TSPAN9: variants seen among roughly 807,000 people sequenced by gnomAD.
TSPAN9 encodes the protein tetraspanin 9, also known as tetraspanin-9.
A neutral mutation model predicts 31.0 loss-of-function variants in TSPAN9; 16 were observed. That is an observed-to-expected ratio of 0.52 (90% CI 0.35 to 0.78). The LOEUF is 0.78. TSPAN9 is among the 30% of genes least tolerant of loss of function. TSPAN9 has a pLI of 0.01. For synonymous variants in TSPAN9, 145 were observed against 121.6 expected (o/e 1.19, Z -1.27); for missense variants, 272 against 312.5 (o/e 0.87, Z 0.98).
chr12:3,104,731 G>A (rs1021181986), intron 2 of TSPAN9, among the ~76,000 whole-genome samples: 2 of 152,108 alleles, frequency 1.3e-5, no homozygotes, highest in East Asian at 1.9e-4. Context: ...CATTTAATCC[G>A]CCCAGCAACT....
chr12:3,193,210 T>C (rs991011411), intron 2 of TSPAN9, among the ~76,000 whole-genome samples: 2 of 151,992 alleles, frequency 1.3e-5, no homozygotes, highest in Non-Finnish European at 2.9e-5. Context: ...TGTGGTTGAG[T>C]TGGATAGTGG....
intron 2 of TSPAN9, among the ~76,000 whole-genome samples, chr12:3,139,389 T>C (rs1479781522): frequency 6.6e-6 from 1 of 152,148 alleles, no homozygotes; most frequent in Non-Finnish European, 1.5e-5. Flanking sequence ...ACCCTGCCAG[T>C]GGCCAGCCTT....
intron 2 of TSPAN9, among the ~76,000 whole-genome samples, chr12:3,130,477 C>T (rs7309470): frequency 5.9e-5 from 9 of 151,962 alleles, no homozygotes; most frequent in East Asian, 1.9e-4. Context: ...CCAGGTGTGA[C>T]GGACAGCAGA....
At chr12:3,097,342 C>T (rs1004191277) in intron 2 of TSPAN9, among the ~76,000 whole-genome samples, 4 of 152,170 alleles carry the variant, frequency 2.6e-5, no homozygotes, top group Admixed American at 6.5e-5. Flanking sequence ...GAGAGAGGCA[C>T]GTGTGTGGCT....
chr12:3,090,456 G>T (rs1193254542), intron 2 of TSPAN9, among the ~76,000 whole-genome samples: 1 of 152,230 alleles, frequency 6.6e-6, no homozygotes, highest in African/African-American at 2.4e-5. Context: ...TCATATATCC[G>T]GTGGTTGGTG....
intron 5 of TSPAN9, among the ~76,000 whole-genome samples, chr12:3,279,670 T>C (rs1862859581): frequency 1.3e-5 from 2 of 152,328 alleles, no homozygotes; most frequent in African/African-American, 4.8e-5. Context: ...GCAGGCCCTT[T>C]GGTACCATGC....
chr12:3,185,562 A>G (rs1246064511), intron 2 of TSPAN9, among the ~76,000 whole-genome samples: 1 of 152,104 alleles, frequency 6.6e-6, no homozygotes, highest in Non-Finnish European at 1.5e-5. Context: ...CCCCCTTCGG[A>G]GCGCCTCAGG....
At chr12:3,174,991 C>A (rs942452124) in intron 2 of TSPAN9, among the ~76,000 whole-genome samples, 3 of 152,082 alleles carry the variant, frequency 2.0e-5, no homozygotes, top group Non-Finnish European at 2.9e-5. Flanking sequence ...TTCTTTTCTT[C>A]CTTATTTTCT....
At chr12:3,132,075 G>T (rs887286847) in intron 2 of TSPAN9, among the ~76,000 whole-genome samples, 1 of 152,180 alleles carries the variant, frequency 6.6e-6, no homozygotes, top group Non-Finnish European at 1.5e-5. Flanking sequence ...CAAGGCTCAC[G>T]CATGCTGTAG....
intron 3 of TSPAN9, among the ~76,000 whole-genome samples, chr12:3,226,734 GTGTGTGTGTGTATATATA>G (rs2098387564): frequency 7.0e-5 from 1 of 14,306 alleles, no homozygotes; most frequent in Non-Finnish European, 1.2e-4. Flanking sequence ...GTGTGTGTGT[GTGTGTGTGTGTATATATA>G]TATATATATA....
chr12:3,124,302 A>C (rs1025456443), intron 2 of TSPAN9, among the ~76,000 whole-genome samples: 1 of 152,250 alleles, frequency 6.6e-6, no homozygotes, highest in Non-Finnish European at 1.5e-5. Flanking sequence ...ACATTCATTC[A>C]TAATTCTGTT....
intron 1 of TSPAN9, among the ~76,000 whole-genome samples, chr12:3,081,834 G>GTATATA (rs1477420908): frequency 2.2e-4 from 17 of 75,786 alleles, no homozygotes; most frequent in African/African-American, 1.0e-3. Context: ...GTGTGTGTGT[G>GTATATA]TCTGTGTGTG....
chr12:3,200,954 C>T, intron 2 of TSPAN9: 1 of 503,742 alleles, frequency 2.0e-6, no homozygotes. Flanking sequence ...TTCTTCGATC[C>T]ATCGGAGTCC....
At chr12:3,103,636 C>A (rs1278748416) in intron 2 of TSPAN9, among the ~76,000 whole-genome samples, 1 of 152,176 alleles carries the variant, frequency 6.6e-6, no homozygotes, top group Non-Finnish European at 1.5e-5. Context: ...GACACTGCTC[C>A]TGTTGTCTCT....
Position 3,147,467 on chromosome 12 carries a change from T to C in TSPAN9, c.-17-53710T>C, listed in dbSNP as rs546033937. ...GCATCTCCACCGACGCGACGGGAAGTGGCCTCTCCCTCCTTCAGGATCGCC... is the reference window on the plus strand; with the variant it reads ...GCATCTCCACCGACGCGACGGGAAGCGGCCTCTCCCTCCTTCAGGATCGCC... On this transcript the variant is annotated intron_variant, in intron 2 of 8. Transcript: ENST00000011898. The surrounding 1 kb of genome is among the most constrained non-coding windows in gnomAD (Gnocchi z 4.3). Among the ~76,000 whole-genome samples, 90 of 152,262 alleles carry C rather than the reference T, an allele frequency of 5.9e-4. No homozygotes were observed. Among genetic ancestry groups the C allele is most frequent in the Admixed American group, 2.4e-3 (37 of 15,298 alleles).
chr12:3,087,581 G>A (rs2098301194), intron 2 of TSPAN9, among the ~76,000 whole-genome samples: 1 of 152,122 alleles, frequency 6.6e-6, no homozygotes, highest in African/African-American at 2.4e-5. Flanking sequence ...GCCAAGGCAG[G>A]CAAATCATGA....
At chr12:3,191,878 C>T (rs1301365316) in intron 2 of TSPAN9, among the ~76,000 whole-genome samples, 1 of 152,122 alleles carries the variant, frequency 6.6e-6, no homozygotes, top group Non-Finnish European at 1.5e-5. Context: ...GCAAATGGTG[C>T]TGTGAGGAGT....
At position 3,280,433 on chromosome 12, in the gene TSPAN9, A is replaced by G. The variant is rs745809480; in HGVS notation, c.382A>G (p.Thr128Ala). Reference sequence around the variant, plus strand: ...GAAGGAAGGCCTGCTGCTGTACCACACCGAGAACAACGTGGGGCTGAAGAA... The same window carrying G: ...GAAGGAAGGCCTGCTGCTGTACCACGCCGAGAACAACGTGGGGCTGAAGAA... Reference protein sequence around the residue: ...DLKEGLLLYHTENNVGLKNAW... With the variant: ...DLKEGLLLYHAENNVGLKNAW... Residue 128 changes from threonine (T) to alanine (A), a missense_variant, in exon 6 of 9, where the codon ACC becomes GCC. By Grantham distance (58) the Thr-to-Ala change is moderately conservative. Coordinates refer to ENST00000011898, the MANE Select transcript of TSPAN9 (RefSeq NM_006675.5). This position sits in a 1 kb window ranked among gnomAD's most constrained non-coding sequence, Gnocchi z 4.5. 2 of 1,613,392 alleles carry G rather than the reference A, an allele frequency of 1.2e-6. No individual in the cohort carries two copies. Among genetic ancestry groups the G allele is most frequent in the Admixed American group, 3.3e-5 (2 of 60,016 alleles).
intron 3 of TSPAN9, among the ~76,000 whole-genome samples, chr12:3,278,038 C>T (rs1862821947): frequency 6.6e-6 from 1 of 152,244 alleles, no homozygotes; most frequent in Non-Finnish European, 1.5e-5. Flanking sequence ...TCTCACCAGG[C>T]CTCCGTCTTG....
Sources: allele counts gnomAD v4.1 joint callset (sites outside exome capture counted in the v4.1 genomes callset), GRCh38; gene constraint gnomAD v4.1.1; non-coding constraint Gnocchi (gnomAD v3.1); transcripts MANE v1.5; gene names NCBI Gene and HGNC (gene_info 2026-07-23, HGNC 2026-07-21).